PRICKLE2: variants seen among roughly 807,000 people sequenced by gnomAD.
PRICKLE2 encodes the protein prickle-like protein 2.
PRICKLE2 carries 21 observed loss-of-function variants against 81.4 expected under a neutral mutation model. The observed-to-expected ratio is 0.26, with a 90% CI of 0.18 to 0.37. The LOEUF is 0.37. Ranked by LOEUF, PRICKLE2 falls within the 10% of genes least tolerant of loss-of-function variation. The probability of loss-of-function intolerance (pLI) is 1.00; values close to 1 mark genes in which losing one functional copy is unlikely to be tolerated. For missense variants in PRICKLE2, 940 were observed against 1,109.0 expected, an observed-to-expected ratio of 0.85 and a Z score of 2.16; for synonymous variants, 456 against 421.5, an observed-to-expected ratio of 1.08 and a Z score of -1.00.
In PRICKLE2 at chr3:64,147,782, G is replaced by A. The variant is rs950017964; in HGVS notation, c.788-80C>T. The stretch of plus-strand genomic sequence containing the variant: ...GGGACGTGAAACACATAGCACCTTG[G>A]TTTGTCTCAGGATTCCAGGTGCGGC... On this transcript the variant is annotated intron_variant, in intron 6 of 7. Transcript: ENST00000638394. The surrounding 1 kb of genome is among the most constrained non-coding windows in gnomAD (Gnocchi z 5.0). 4.7e-6 allele frequency: 7 copies of A among 1,494,164 alleles called. No individual in the cohort carries two copies. Among genetic ancestry groups the A allele is most frequent in the Middle Eastern group, 1.8e-4 (1 of 5,556 alleles). The allele number at this position is 1,494,164 out of a possible 1,614,324, so 92.6% of individuals were successfully genotyped here.
chr3:64,171,510 G>C (rs1354315623), intron 2 of PRICKLE2, among the ~76,000 whole-genome samples: 2 of 152,204 alleles, frequency 1.3e-5, no homozygotes, highest in Non-Finnish European at 2.9e-5. Flanking sequence ...GTTGACAAAT[G>C]ATCTATTTGT....
intron 2 of PRICKLE2, among the ~76,000 whole-genome samples, chr3:64,165,225 T>C (rs1341546069): frequency 6.6e-6 from 1 of 152,156 alleles, no homozygotes; most frequent in Non-Finnish European, 1.5e-5. Context: ...AGAGCCCTTC[T>C]TAACTGGTAC....
At chr3:64,138,258 T>A (rs1254771064) in intron 7 of PRICKLE2, among the ~76,000 whole-genome samples, 2 of 152,204 alleles carry the variant, frequency 1.3e-5, no homozygotes, top group Non-Finnish European at 1.5e-5. Context: ...TTTGACCTCA[T>A]TGCCTAGTTC....
intron 2 of PRICKLE2, among the ~76,000 whole-genome samples, chr3:64,191,035 C>G (rs2078323362): frequency 6.6e-6 from 1 of 152,106 alleles, no homozygotes; most frequent in African/African-American, 2.4e-5. Context: ...TCCACAGGCT[C>G]CACAGAGCCA....
intron 1 of PRICKLE2, chr3:64,199,191 G>T (rs2078521873): frequency 3.3e-6 from 2 of 605,834 alleles, no homozygotes; most frequent in Non-Finnish European, 5.9e-6. Flanking sequence ...CACCAGGTAA[G>T]CATGCTAAGG....
intron 6 of PRICKLE2, among the ~76,000 whole-genome samples, chr3:64,150,361 T>C (rs910664709): frequency 3.9e-5 from 6 of 152,074 alleles, no homozygotes; most frequent in Admixed American, 6.6e-5. Context: ...GGGATAATCA[T>C]AGTACTTGGT....
At chr3:64,144,013 A>G (rs2077405039) in intron 7 of PRICKLE2, among the ~76,000 whole-genome samples, 1 of 151,836 alleles carries the variant, frequency 6.6e-6, no homozygotes, top group African/African-American at 2.4e-5. Context: ...GTTCTTGGAC[A>G]AATGGGAACA....
chr3:64,265,967 C>T (rs2079699745), intron 2 of PRICKLE2, among the ~76,000 whole-genome samples: 1 of 152,112 alleles, frequency 6.6e-6, no homozygotes, highest in Non-Finnish European at 1.5e-5. Context: ...ATTTCAGTTT[C>T]TTAAATGGAA....
chr3:64,163,204 G>T, intron 2 of PRICKLE2, 75 bp from the exon 3 acceptor site: 1 of 885,786 alleles, frequency 1.1e-6, no homozygotes, highest in Non-Finnish European at 1.9e-6. Context: ...CTGGGAAGAT[G>T]ATTCCCCCAG....
At chr3:64,119,685 A>G (rs2076995754) in intron 7 of PRICKLE2, among the ~76,000 whole-genome samples, 1 of 152,198 alleles carries the variant, frequency 6.6e-6, no homozygotes, top group African/African-American at 2.4e-5. Flanking sequence ...CTACCATTCA[A>G]CCCAGCAATC....
At chr3:64,122,309 C>T (rs2077039944) in intron 7 of PRICKLE2, among the ~76,000 whole-genome samples, 1 of 152,154 alleles carries the variant, frequency 6.6e-6, no homozygotes, top group Non-Finnish European at 1.5e-5. Context: ...CCCACTAGCC[C>T]ACCCTTTGCC....
chr3:64,108,529 G>T (rs568463442), intron 7 of PRICKLE2, among the ~76,000 whole-genome samples: 1 of 152,244 alleles, frequency 6.6e-6, no homozygotes, highest in African/African-American at 2.4e-5. Context: ...AAGGCTGGGG[G>T]TGGGGACAGA....
At chr3:64,217,111 A>G (rs75745743) in intron 1 of PRICKLE2, among the ~76,000 whole-genome samples, 3,808 of 152,198 alleles carry the variant, frequency 0.025, 163 homozygotes, top group African/African-American at 0.086. Flanking sequence ...TACCTAACCA[A>G]TGGCTGGACT....
intron 2 of PRICKLE2, among the ~76,000 whole-genome samples, chr3:64,166,254 C>T (rs1050094850): frequency 2.0e-5 from 3 of 152,108 alleles, no homozygotes; most frequent in Middle Eastern, 3.2e-3. Context: ...TAGAGTGACT[C>T]GCTTTTCTCA....
chr3:64,119,911 A>G (rs2076998870), intron 7 of PRICKLE2, among the ~76,000 whole-genome samples: 1 of 152,224 alleles, frequency 6.6e-6, no homozygotes, highest in East Asian at 1.9e-4. Context: ...TTGTGGCAGC[A>G]TCGATACAGC....
At chr3:64,238,819 T>C (rs1431279544) in intron 2 of PRICKLE2, among the ~76,000 whole-genome samples, 1 of 152,210 alleles carries the variant, frequency 6.6e-6, no homozygotes, top group Non-Finnish European at 1.5e-5. Flanking sequence ...CAGCAGGTGC[T>C]TACTAAATGT....
chr3:64,223,859 G>A (rs2078993133), intron 1 of PRICKLE2, among the ~76,000 whole-genome samples: 1 of 152,182 alleles, frequency 6.6e-6, no homozygotes, highest in African/African-American at 2.4e-5. Context: ...CTAGCAAAGA[G>A]GCAAGGCTGC....
intron 2 of PRICKLE2, among the ~76,000 whole-genome samples, chr3:64,170,589 G>A (rs1281405690): frequency 1.3e-5 from 2 of 151,834 alleles, no homozygotes; most frequent in Non-Finnish European, 2.9e-5. Flanking sequence ...TCTGGGTGCA[G>A]TAGCTCATAC....
rs2077464822 is a variant in PRICKLE2, at chr3:64,146,922, G to T, written c.1568C>A (p.Pro523His). The change falls in exon 7 of 8, where the codon CCC (proline) becomes CAC (histidine). Residue 523 changes from proline to histidine, a missense_variant. Transcript: ENST00000638394. ...CTCTGTGTATTTCAGGGAACTGATG[G>T]GATGACGGGTCCGACACTGCTGAGT... is the stretch of plus-strand genomic sequence containing the variant. The part of the protein sequence containing the change: ...LSTQQCRTRH[P>H]ISSLKYTEDM... 2.5e-6 allele frequency: 4 copies of T among 1,613,946 alleles called. No homozygotes were observed. Among genetic ancestry groups the T allele is most frequent in the Non-Finnish European group, 3.4e-6 (4 of 1,180,012 alleles).
Sources: allele counts gnomAD v4.1 joint callset (sites outside exome capture counted in the v4.1 genomes callset), GRCh38; gene constraint gnomAD v4.1.1; non-coding constraint Gnocchi (gnomAD v3.1); transcripts MANE v1.5; gene names NCBI Gene and HGNC (gene_info 2026-07-23, HGNC 2026-07-21).